The following PDZRN4 variants were observed in gnomAD, a reference collection of about 807,000 sequenced individuals.
The protein encoded by PDZRN4 is PDZ domain-containing RING finger protein 4.
A neutral mutation model predicts 99.0 loss-of-function variants in PDZRN4; 70 were observed. The observed-to-expected ratio is 0.71, with a 90% CI of 0.58 to 0.86. PDZRN4 has a LOEUF of 0.86. Ranked by LOEUF, PDZRN4 falls within the 40% of genes least tolerant of loss-of-function variation. PDZRN4 has a pLI of 0.00. For missense variants in PDZRN4, 1,474 were observed against 1,331.2 expected, an observed-to-expected ratio of 1.11 and a Z score of -1.67; for synonymous variants, 551 against 501.6, an observed-to-expected ratio of 1.10 and a Z score of -1.32.
At chr12:41,424,654 A>G (rs896898759) in intron 3 of PDZRN4, among the ~76,000 whole-genome samples, 8 of 151,986 alleles carry the variant, frequency 5.3e-5, no homozygotes, top group Non-Finnish European at 1.0e-4. Flanking sequence ...TGCTGGGGCA[A>G]CAGTCTTCAA....
At chr12:41,200,607 G>A (rs1231627344) in intron 3 of PDZRN4, among the ~76,000 whole-genome samples, 2 of 152,128 alleles carry the variant, frequency 1.3e-5, no homozygotes, top group African/African-American at 4.8e-5. Context: ...AGCTCTCAGT[G>A]TGGTTCCCAT....
chr12:41,563,758 C>A, intron 8 of PDZRN4, 109 bp downstream of exon 8: 1 of 777,354 alleles, frequency 1.3e-6, no homozygotes, highest in Non-Finnish European at 2.1e-6. Context: ...TCTATCAAAT[C>A]ATTATCACGG....
chr12:41,387,964 G>A (rs1952183745), intron 3 of PDZRN4, among the ~76,000 whole-genome samples: 1 of 152,136 alleles, frequency 6.6e-6, no homozygotes, highest in Non-Finnish European at 1.5e-5. Context: ...CTATTATATA[G>A]ATGCATGCAT....
chr12:41,233,898 C>T (rs547728692), intron 3 of PDZRN4, among the ~76,000 whole-genome samples: 1 of 151,706 alleles, frequency 6.6e-6, no homozygotes, highest in Non-Finnish European at 1.5e-5. Flanking sequence ...ATGTAACAAG[C>T]CTGCATGTTG....
In PDZRN4 at chr12:41,377,198, T is replaced by C. The variant is rs529647052; in HGVS notation, c.844-129258T>C. Among the ~76,000 whole-genome samples, 31 of 152,308 alleles carry C rather than the reference T, an allele frequency of 2.0e-4. 1 individual carries two copies. In the South Asian group the frequency reaches 6.2e-3, roughly 31 times the overall value. The stretch of plus-strand genomic sequence containing the variant: ...CTTTGTTGTTCTTTCTCAAGATTAC[T>C]TCTACTATTAGGGGTCTTCTGTGGT... On this transcript the variant is annotated intron_variant, in intron 3 of 9. Coordinates refer to ENST00000402685, the MANE Select transcript of PDZRN4 (RefSeq NM_001164595.2).
intron 3 of PDZRN4, among the ~76,000 whole-genome samples, chr12:41,380,468 A>G (rs970029381): frequency 1.3e-5 from 2 of 151,898 alleles, no homozygotes; most frequent in African/African-American, 4.8e-5. Flanking sequence ...GTGGCAGCAT[A>G]CTTTGATTCC....
intron 3 of PDZRN4, among the ~76,000 whole-genome samples, chr12:41,360,990 A>G (rs943050580): frequency 6.6e-6 from 1 of 151,788 alleles, no homozygotes; most frequent in African/African-American, 2.4e-5. Context: ...TCTTTGGAAC[A>G]TACACATGTA....
At chr12:41,537,961 C>A (rs1938777882) in intron 5 of PDZRN4, among the ~76,000 whole-genome samples, 1 of 152,100 alleles carries the variant, frequency 6.6e-6, no homozygotes, top group East Asian at 1.9e-4. Flanking sequence ...AGCTGAAAAG[C>A]TTGGCTGCAC....
intron 3 of PDZRN4, among the ~76,000 whole-genome samples, chr12:41,286,222 GA>G (rs942086840): frequency 1.3e-5 from 2 of 148,722 alleles, no homozygotes; most frequent in African/African-American, 4.9e-5. Flanking sequence ...GTACATGTTT[GA>G]AAAAAAACAG....
chr12:41,468,970 C>T (rs537911998), intron 3 of PDZRN4, among the ~76,000 whole-genome samples: 19 of 151,100 alleles, frequency 1.3e-4, no homozygotes, highest in Non-Finnish European at 1.5e-4. Flanking sequence ...GATTGCGCCA[C>T]TTCACTCTAG....
intron 3 of PDZRN4, among the ~76,000 whole-genome samples, chr12:41,366,741 C>T (rs994439669): frequency 6.6e-6 from 1 of 152,038 alleles, no homozygotes; most frequent in Non-Finnish European, 1.5e-5. Flanking sequence ...TCGGCATTTA[C>T]TACCATAAGA....
At chr12:41,372,647 A>G (rs1312560414) in intron 3 of PDZRN4, among the ~76,000 whole-genome samples, 1 of 152,152 alleles carries the variant, frequency 6.6e-6, no homozygotes, top group East Asian at 1.9e-4. Flanking sequence ...CATTTGCATA[A>G]CTATTCACAT....
At chr12:41,559,906 A>G (rs968379828) in intron 7 of PDZRN4, among the ~76,000 whole-genome samples, 4 of 152,112 alleles carry the variant, frequency 2.6e-5, no homozygotes, top group African/African-American at 7.2e-5. Flanking sequence ...CTCAGCACTC[A>G]TTCTCTCTCC....
At chr12:41,527,510 G>T (rs976568314) in intron 5 of PDZRN4, among the ~76,000 whole-genome samples, 2 of 152,112 alleles carry the variant, frequency 1.3e-5, no homozygotes, top group Non-Finnish European at 2.9e-5. Flanking sequence ...TAGACCAGTT[G>T]GGATATGAAA....
At chr12:41,267,151 T>C (rs1285319750) in intron 3 of PDZRN4, among the ~76,000 whole-genome samples, 2 of 152,208 alleles carry the variant, frequency 1.3e-5, no homozygotes, top group Admixed American at 6.5e-5. Context: ...TTGGCTATCA[T>C]CTTATATGGA....
chr12:41,456,509 C>T (rs1219855573), intron 3 of PDZRN4, among the ~76,000 whole-genome samples: 1 of 152,094 alleles, frequency 6.6e-6, no homozygotes, highest in Non-Finnish European at 1.5e-5. Flanking sequence ...AAGACATAAC[C>T]AGGTCCTTTC....
At chr12:41,254,271 A>G (rs1410307773) in intron 3 of PDZRN4, among the ~76,000 whole-genome samples, 2 of 152,156 alleles carry the variant, frequency 1.3e-5, no homozygotes, top group African/African-American at 2.4e-5. Context: ...AAGATATTAC[A>G]CTAAACACTT....
intron 3 of PDZRN4, among the ~76,000 whole-genome samples, chr12:41,397,641 A>G (rs904217274): frequency 1.3e-5 from 2 of 152,150 alleles, no homozygotes; most frequent in African/African-American, 2.4e-5. Flanking sequence ...AAATCTTGGG[A>G]AAAATCCAGA....
intron 3 of PDZRN4, among the ~76,000 whole-genome samples, chr12:41,447,965 A>G (rs1033972719): frequency 6.6e-6 from 1 of 152,152 alleles, no homozygotes; most frequent in Admixed American, 6.6e-5. Flanking sequence ...GATGCTTTTT[A>G]AATTGTTTTC....
Sources: gnomAD v4.1 joint callset for allele counts (sites outside exome capture counted in the v4.1 genomes callset) on GRCh38, gnomAD v4.1.1 for gene constraint, MANE v1.5 for transcripts, NCBI Gene and HGNC (gene_info 2026-07-23, HGNC 2026-07-21) for gene names.